Variants in ATP9B observed in about 807,000 individuals in gnomAD.
ATP9B encodes the protein ATPase phospholipid transporting 9B.
A neutral mutation model predicts 146.1 loss-of-function variants in ATP9B; 110 were observed. The ratio of observed to expected loss-of-function variants is 0.75; its 90% confidence interval spans 0.65 to 0.88. The LOEUF is 0.88. ATP9B is among the 40% of genes least tolerant of loss of function. The pLI, the probability that ATP9B is intolerant of heterozygous loss-of-function variation, is 0.00. For missense variants in ATP9B, 1,499 were observed against 1,496.4 expected (o/e 1.00, Z -0.03); for synonymous variants, 604 against 569.7 (o/e 1.06, Z -0.86).
intron 20 of ATP9B, among the ~76,000 whole-genome samples, chr18:79,343,086 G>T (rs1354832771): frequency 6.6e-6 from 1 of 152,156 alleles, no homozygotes; most frequent in Non-Finnish European, 1.5e-5. Context: ...TGTTCTAAAT[G>T]AATCGCTTGC....
intron 26 of ATP9B, among the ~76,000 whole-genome samples, chr18:79,365,996 G>A (rs2097025807): frequency 6.6e-6 from 1 of 152,284 alleles, no homozygotes; most frequent in Non-Finnish European, 1.5e-5. Context: ...CCACCAGGCA[G>A]TGGGATTGTG....
intron 27 of ATP9B, among the ~76,000 whole-genome samples, chr18:79,373,339 G>A (rs2097083470): frequency 6.6e-6 from 1 of 152,130 alleles, no homozygotes; most frequent in Non-Finnish European, 1.5e-5. Context: ...TTGAAGTAGA[G>A]GTGTGGCTTC....
At chr18:79,092,971 A>G (rs1480371785) in intron 1 of ATP9B, among the ~76,000 whole-genome samples, 3 of 152,240 alleles carry the variant, frequency 2.0e-5, no homozygotes, top group Admixed American at 6.5e-5. Context: ...GGTACTGTAC[A>G]TAAGTGTATA....
At chr18:79,348,089 C>T (rs753566770) in intron 24 of ATP9B, 43 bp from the exon 25 acceptor site, 168 of 1,608,546 alleles carry the variant, frequency 1.0e-4, no homozygotes, top group Non-Finnish European at 1.2e-4. Flanking sequence ...CACAGGTGCT[C>T]GTGGAACTGA....
At chr18:79,377,175 C>T in intron 29 of ATP9B, 72 bp from the exon 30 acceptor site, 3 of 1,574,946 alleles carry the variant, frequency 1.9e-6, no homozygotes, top group South Asian at 1.1e-5. Flanking sequence ...CTGGCCAGGT[C>T]TGTGGCTGTG....
intron 12 of ATP9B, among the ~76,000 whole-genome samples, chr18:79,259,536 T>G (rs2096118883): frequency 6.6e-6 from 1 of 152,228 alleles, no homozygotes; most frequent in East Asian, 1.9e-4. Flanking sequence ...AGTGGCTTTG[T>G]TGAAAGCACT....
chr18:79,089,168 T>G (rs114450233), intron 1 of ATP9B, among the ~76,000 whole-genome samples: 1 of 152,072 alleles, frequency 6.6e-6, no homozygotes, highest in Non-Finnish European at 1.5e-5. Flanking sequence ...TGTATACTGC[T>G]CGGGAGATGG....
intron 7 of ATP9B, among the ~76,000 whole-genome samples, chr18:79,168,766 T>C (rs2095024605): frequency 6.6e-6 from 1 of 152,196 alleles, no homozygotes; most frequent in African/African-American, 2.4e-5. Context: ...GAGTACAGTA[T>C]GGAATAAATT....
chr18:79,121,781 T>TA (rs1476469233), intron 4 of ATP9B, among the ~76,000 whole-genome samples: 1 of 152,234 alleles, frequency 6.6e-6, no homozygotes, highest in East Asian at 1.9e-4. Flanking sequence ...GACAGTCTAA[T>TA]AGTCCTTGCC....
intron 20 of ATP9B, among the ~76,000 whole-genome samples, chr18:79,343,515 T>A (rs1187577184): frequency 3.9e-5 from 6 of 152,240 alleles, no homozygotes; most frequent in African/African-American, 1.4e-4. Flanking sequence ...TAGGTTTTTT[T>A]AAAAATCCCT....
At chr18:79,350,844 C>G (rs926787067) in intron 25 of ATP9B, among the ~76,000 whole-genome samples, 7 of 151,040 alleles carry the variant, frequency 4.6e-5, no homozygotes, top group African/African-American at 1.7e-4. Context: ...TCTCAGCTCG[C>G]TGCAACCTCT....
chr18:79,296,538 C>G (rs1479017779), intron 13 of ATP9B, among the ~76,000 whole-genome samples: 3 of 152,114 alleles, frequency 2.0e-5, no homozygotes, highest in Non-Finnish European at 4.4e-5. Context: ...TTTTTAAGGA[C>G]AGGAAAGAAC....
At chr18:79,172,503 G>C (rs188655109) in intron 7 of ATP9B, among the ~76,000 whole-genome samples, 1 of 101,672 alleles carries the variant, frequency 9.8e-6, no homozygotes, top group South Asian at 3.9e-4. Context: ...GATTACAGGC[G>C]TGAGCCACCG....
At chr18:79,117,976 C>G (rs1279155566) in intron 4 of ATP9B, 2 of 152,116 alleles carry the variant, frequency 1.3e-5, no homozygotes, top group African/African-American at 2.4e-5. Flanking sequence ...TGGCCTATTG[C>G]AACATACTTT....
intron 11 of ATP9B, among the ~76,000 whole-genome samples, chr18:79,228,184 G>A (rs1278205574): frequency 6.6e-6 from 1 of 152,180 alleles, no homozygotes; most frequent in Admixed American, 6.5e-5. Flanking sequence ...ATTATCATCA[G>A]AATATCTCAA....
At chr18:79,156,933 G>A (rs1005562462) in intron 7 of ATP9B, among the ~76,000 whole-genome samples, 6 of 152,094 alleles carry the variant, frequency 3.9e-5, no homozygotes, top group African/African-American at 9.7e-5. Flanking sequence ...TCCAGTCCCC[G>A]GAAAGGCTCA....
rs1343171404 is a variant in ATP9B, at chr18:79,275,639, G to A, written c.1269-1415G>A. ...GAGGCATACAGGTGGGTAACTTGTA[G>A]GCGTCAGCATGGCCAGCCAGCACTC... On this transcript the variant is annotated intron_variant, in intron 12 of 29. Transcript: ENST00000426216. Among the ~76,000 whole-genome samples the A allele has an allele frequency of 3.3e-5, 5 of 152,364 alleles. No individual in the cohort carries two copies. In the East Asian group the frequency reaches 5.8e-4, roughly 18 times the overall value.
At chr18:79,230,914 A>G (rs1185822772) in intron 11 of ATP9B, among the ~76,000 whole-genome samples, 1 of 152,218 alleles carries the variant, frequency 6.6e-6, no homozygotes, top group African/African-American at 2.4e-5. Flanking sequence ...TAAAGCGAGT[A>G]AAGGACACCC....
intron 4 of ATP9B, among the ~76,000 whole-genome samples, chr18:79,122,600 A>G (rs914265095): frequency 6.6e-6 from 1 of 152,126 alleles, no homozygotes; most frequent in Non-Finnish European, 1.5e-5. Context: ...TGATCCTATA[A>G]TTTTTCCTTT....
Sources: allele counts gnomAD v4.1 joint callset (sites outside exome capture counted in the v4.1 genomes callset), GRCh38; gene constraint gnomAD v4.1.1; transcripts MANE v1.5; gene names NCBI Gene and HGNC (gene_info 2026-07-23, HGNC 2026-07-21).